COL12A1: variants seen among roughly 807,000 people sequenced by gnomAD.
COL12A1 encodes collagen type XII alpha 1 chain.
A neutral mutation model predicts 349.7 loss-of-function variants in COL12A1; 114 were observed. The ratio of observed to expected loss-of-function variants is 0.33; its 90% CI spans 0.28 to 0.38. The LOEUF (loss-of-function observed/expected upper bound fraction) is 0.38, where lower values mean the gene tolerates loss of function less well. Among genes scored for constraint, COL12A1 ranks in the 10% least tolerant of loss-of-function variants. The probability of loss-of-function intolerance (pLI) is 1.00; values close to 1 mark genes in which losing one functional copy is unlikely to be tolerated. For synonymous variants in COL12A1, 1,369 were observed against 1,329.0 expected, an observed-to-expected ratio of 1.03 and a Z score of -0.66; for missense variants, 3,284 against 3,756.9, an observed-to-expected ratio of 0.87 and a Z score of 3.29.
At chr6:75,139,018 T>G in intron 27 of COL12A1, 57 bp from the exon 28 acceptor site, 1 of 1,596,620 alleles carries the variant, frequency 6.3e-7, no homozygotes, top group Non-Finnish European at 8.5e-7. Context: ...CAAATGCAAT[T>G]TAATATAATA....
chr6:75,112,915 T>C, intron 51 of COL12A1: 1 of 169,980 alleles, frequency 5.9e-6, no homozygotes, highest in Non-Finnish European at 1.2e-5. Context: ...TAAAGATTCA[T>C]AACCAAATGG....
chr6:75,087,418 T>A, intron 65 of COL12A1, 159 bp downstream of exon 65: 2 of 658,444 alleles, frequency 3.0e-6, no homozygotes, highest in South Asian at 4.3e-5. Flanking sequence ...TAATGTTGTG[T>A]GCTATGATAG....
rs2149388076 is a variant in COL12A1 at position 75,133,911 on chromosome 6, G to A, written c.5611C>T (p.Pro1871Ser). Residue 1871 changes from proline (P) to serine (S), a missense_variant, in exon 33 of 66, where the codon CCT (proline) becomes TCT (serine). Around this residue, in one of 2 missense-constraint regions of COL12A1, gnomAD observed 2,601 missense variants for 2,824.8 expected, o/e 0.92. Coordinates refer to ENST00000322507, the MANE Select transcript of COL12A1 (RefSeq NM_004370.6). ...GCATAGAAGAGCTTGTACTGACGAG[G>A]ATTTCCCTCTGCATGGTCCCAGCGG... ...NVRWDHAEGN[P>S]RQYKLFYAPA... is the part of the protein sequence containing the mutation. The A allele has an allele frequency of 3.7e-6, 6 of 1,614,080 alleles. No individual in the cohort carries two copies. In the East Asian group the frequency reaches 1.1e-4, roughly 30 times the overall value.
intron 50 of COL12A1, 128 bp from the exon 51 acceptor site, chr6:75,113,441 A>G (rs1768932950): frequency 2.1e-6 from 2 of 930,288 alleles, no homozygotes; most frequent in Non-Finnish European, 3.0e-6. Flanking sequence ...ATAAAATGCA[A>G]TTAGGATATT....
chr6:75,143,437 G>T (rs747712485), intron 25 of COL12A1, 49 bp from the exon 26 acceptor site: 3 of 1,585,970 alleles, frequency 1.9e-6, no homozygotes, highest in South Asian at 2.3e-5. Context: ...CAACCACAAA[G>T]CTCCAAAGCA....
chr6:75,142,587 A>G (rs753084305), intron 26 of COL12A1, among the ~76,000 whole-genome samples: 7 of 152,242 alleles, frequency 4.6e-5, no homozygotes, highest in Non-Finnish European at 7.3e-5. Context: ...GCACATGTAT[A>G]AAGTAGCTTT....
rs1225453572 is a variant in COL12A1, at chr6:75,106,511, C to T, written c.8101-15G>A. ...TGGATTTGGAACTGCAAACAACCAA[C>T]AGCAACATCAGCTAAAGATGCATGA... On this transcript the variant is annotated splice_polypyrimidine_tract_variant and intron_variant, in intron 52 of 65. Transcript: ENST00000322507. The T allele has an allele frequency of 6.2e-7, 1 of 1,612,628 alleles. No homozygotes were observed.
chr6:75,184,896 G>T (rs1476022022), intron 8 of COL12A1, among the ~76,000 whole-genome samples: 1 of 152,172 alleles, frequency 6.6e-6, no homozygotes, highest in African/African-American at 2.4e-5. Context: ...CAACTTCCCG[G>T]AAGATATAGT....
At chr6:75,127,017 G>A (rs538252793) in intron 38 of COL12A1, among the ~76,000 whole-genome samples, 1 of 152,168 alleles carries the variant, frequency 6.6e-6, no homozygotes, top group Admixed American at 6.6e-5. Context: ...TGCTGTTCAG[G>A]TAGTATGTTA....
chr6:75,144,531 C>T (rs2149404395), intron 25 of COL12A1, among the ~76,000 whole-genome samples: 1 of 152,264 alleles, frequency 6.6e-6, no homozygotes, highest in Non-Finnish European at 1.5e-5. Context: ...GCCAGCTCAT[C>T]TATCCCAGCA....
At chr6:75,195,650 G>T (rs240434) in intron 2 of COL12A1, among the ~76,000 whole-genome samples, 3,608 of 152,114 alleles carry the variant, frequency 0.024, 158 homozygotes, top group African/African-American at 0.081. Context: ...TATAAATAGC[G>T]ATATTCAAAA....
At chr6:75,134,147 T>C (rs974646235) in intron 32 of COL12A1, 150 bp from the exon 33 acceptor site, 7 of 833,404 alleles carry the variant, frequency 8.4e-6, no homozygotes, top group Non-Finnish European at 9.3e-6. Flanking sequence ...ACACACTGTG[T>C]CCGCGTCAGC....
At chr6:75,148,262 C>T in intron 22 of COL12A1, 96 bp downstream of exon 22, 1 of 1,234,622 alleles carries the variant, frequency 8.1e-7, no homozygotes, top group Non-Finnish European at 1.1e-6. Context: ...CCTCTTCATC[C>T]CTCTTGCCCC....
Position 75,143,325 on chromosome 6 carries a change from A to G in COL12A1, c.4754T>C (p.Phe1585Ser). 4.3e-6 allele frequency: 7 copies of G among 1,613,956 alleles called. No individual in the cohort carries two copies. The highest frequency in any genetic ancestry group is 5.9e-6 in the Non-Finnish European group (7 of 1,179,936). ...CACTTTTCCAGGCACAGGTTCCCAA[A>G]AGACATTCATAGTGCTGTGAGTCAC... ...RDVTHSTMNV[F>S]WEPVPGKVRK... Residue 1585 changes from phenylalanine (F) to serine (S), a missense_variant, in exon 26 of 66, where the codon TTT becomes TCT. Physicochemically the swap from Phe to Ser is radical, Grantham distance 155. Transcript: ENST00000322507.
At chr6:75,091,817 A>G (rs78929974) in intron 60 of COL12A1, among the ~76,000 whole-genome samples, 66 of 151,900 alleles carry the variant, frequency 4.3e-4, no homozygotes, top group African/African-American at 1.4e-3. Context: ...CACACTTTTT[A>G]CAATGCAATT....
At chr6:75,128,667 C>T (rs1227763653) in intron 37 of COL12A1, among the ~76,000 whole-genome samples, 1 of 152,194 alleles carries the variant, frequency 6.6e-6, no homozygotes, top group Non-Finnish European at 1.5e-5. Context: ...AGCCACGTGA[C>T]TTAACATCTT....
At chr6:75,120,223 T>C (rs1389389784) in intron 44 of COL12A1, among the ~76,000 whole-genome samples, 1 of 152,172 alleles carries the variant, frequency 6.6e-6, no homozygotes, top group Non-Finnish European at 1.5e-5. Flanking sequence ...AAATTAAGAA[T>C]ATAACCACAT....
In COL12A1 at chr6:75,128,431, G is replaced by C. The variant is rs765739082; in HGVS notation, c.6211-6C>G. 1.3e-6 allele frequency: 2 copies of C among 1,555,366 alleles called. No homozygotes were observed. The highest frequency in any genetic ancestry group is 2.8e-5 in the African/African-American group (2 of 72,156). On this transcript the variant is annotated splice_polypyrimidine_tract_variant and splice_region_variant and intron_variant, in intron 37 of 65. Coordinates refer to ENST00000322507, the MANE Select transcript of COL12A1 (RefSeq NM_004370.6). ...CTTCTGCCTGGGACTGTGGTCTATA[G>C]AGGAAGTTAAATTATAAATATATTA... is the stretch of plus-strand genomic sequence containing the variant.
At chr6:75,159,040 A>C (rs544932466) in intron 14 of COL12A1, among the ~76,000 whole-genome samples, 1 of 152,138 alleles carries the variant, frequency 6.6e-6, no homozygotes, top group African/African-American at 2.4e-5. Context: ...CCCAAACACA[A>C]GAAACATAAA....
Sources: allele counts gnomAD v4.1 joint callset (sites outside exome capture counted in the v4.1 genomes callset), GRCh38; gene constraint gnomAD v4.1.1; regional missense constraint gnomAD v4.1.1; transcripts MANE v1.5; gene names NCBI Gene and HGNC (gene_info 2026-07-23, HGNC 2026-07-21).